Variants in HIVEP3 observed in about 807,000 individuals in gnomAD.
HIVEP3 encodes the protein HIVEP zinc finger 3.
Under a neutral mutation model 152.8 loss-of-function variants are expected in HIVEP3, and 49 were observed. The observed-to-expected ratio is 0.32, with a 90% CI of 0.26 to 0.41. The LOEUF is 0.41. Ranked by LOEUF, HIVEP3 falls within the 10% of genes least tolerant of loss-of-function variation. HIVEP3 has a pLI of 1.00. For synonymous variants in HIVEP3, 1,269 were observed against 1,289.0 expected (o/e 0.98, Z 0.33); for missense variants, 2,790 against 3,103.3 (o/e 0.90, Z 2.40).
intron 3 of HIVEP3, among the ~76,000 whole-genome samples, chr1:41,627,366 G>A (rs558202819): frequency 6.6e-5 from 10 of 152,260 alleles, no homozygotes; most frequent in East Asian, 3.9e-4. Context: ...ACTAAGAGTC[G>A]GGGCTGGGAT....
chr1:41,932,305 GT>G (rs1645000190), intron 1 of HIVEP3, among the ~76,000 whole-genome samples: 1 of 149,814 alleles, frequency 6.7e-6, no homozygotes, highest in Admixed American at 6.6e-5. Flanking sequence ...TTGTTTTTTT[GT>G]TTGTTTGTTT....
At chr1:41,549,601 GA>G (rs1643874594) in intron 5 of HIVEP3, among the ~76,000 whole-genome samples, 1 of 152,182 alleles carries the variant, frequency 6.6e-6, no homozygotes, top group Non-Finnish European at 1.5e-5. Flanking sequence ...TTGTGGTTTT[GA>G]TTTGCATTTC....
At chr1:41,681,064 TATC>T (rs1646030769) in intron 2 of HIVEP3, among the ~76,000 whole-genome samples, 1 of 151,602 alleles carries the variant, frequency 6.6e-6, no homozygotes, top group South Asian at 2.1e-4. Flanking sequence ...CCAAAGCTCT[TATC>T]ATTCCCCAGA....
chr1:41,717,389 A>G (rs1646611235), intron 1 of HIVEP3, among the ~76,000 whole-genome samples: 1 of 152,264 alleles, frequency 6.6e-6, no homozygotes, highest in Non-Finnish European at 1.5e-5. Context: ...ATTCAAACAA[A>G]GAAATGTTGT....
At chr1:41,556,675 A>G (rs1643971018) in intron 5 of HIVEP3, among the ~76,000 whole-genome samples, 1 of 152,178 alleles carries the variant, frequency 6.6e-6, no homozygotes, top group South Asian at 2.1e-4. Flanking sequence ...TTTGTTGCCT[A>G]TGCTTGGTGT....
At chr1:41,514,825 C>T (rs1029925578) in intron 7 of HIVEP3, among the ~76,000 whole-genome samples, 1 of 152,214 alleles carries the variant, frequency 6.6e-6, no homozygotes, top group African/African-American at 2.4e-5. Context: ...CACTTGCACT[C>T]CTTAAACAGA....
At chr1:41,817,994 T>C (rs951123707) in intron 1 of HIVEP3, among the ~76,000 whole-genome samples, 2 of 152,110 alleles carry the variant, frequency 1.3e-5, no homozygotes, top group Non-Finnish European at 2.9e-5. Context: ...AGGGGCCAGC[T>C]CTACTGTCCA....
intron 2 of HIVEP3, among the ~76,000 whole-genome samples, chr1:41,650,807 A>G (rs1645537248): frequency 6.6e-6 from 1 of 152,168 alleles, no homozygotes; most frequent in South Asian, 2.1e-4. Context: ...TCCAGTTAAG[A>G]ATACATTCTG....
At chr1:41,570,314 A>G (rs1259755964) in intron 5 of HIVEP3, among the ~76,000 whole-genome samples, 1 of 152,164 alleles carries the variant, frequency 6.6e-6, no homozygotes, top group Non-Finnish European at 1.5e-5. Context: ...TTTGAATTGT[A>G]ATCCCTATAA....
chr1:42,034,154 A>G (rs780964168), intron 1 of HIVEP3, among the ~76,000 whole-genome samples: 1 of 152,236 alleles, frequency 6.6e-6, no homozygotes, highest in Non-Finnish European at 1.5e-5. Flanking sequence ...AACTCACACA[A>G]TATTAGTCCA....
chr1:41,869,714 C>A (rs771087249), intron 1 of HIVEP3: 12 of 152,168 alleles, frequency 7.9e-5, no homozygotes, highest in Non-Finnish European at 1.2e-4. Context: ...ATGTGTATTA[C>A]CTTGCCTGTG....
chr1:41,516,860 C>A (rs1042570764), intron 7 of HIVEP3, among the ~76,000 whole-genome samples: 1 of 152,246 alleles, frequency 6.6e-6, no homozygotes, highest in Non-Finnish European at 1.5e-5. Flanking sequence ...TCTAGCACAG[C>A]GGCCCTCCCC....
chr1:41,524,868 G>A lies in HIVEP3; in HGVS notation c.5250C>T (p.Gly1750=), dbSNP rs1314314329. 3 of 1,614,022 alleles carry A rather than the reference G, an allele frequency of 1.9e-6. No individual in the cohort carries two copies. The highest frequency in any genetic ancestry group is 2.5e-6 in the Non-Finnish European group (3 of 1,180,018). Residue 1750 remains glycine, a synonymous_variant, in exon 6 of 9, where the codon GGC becomes GGT. Coordinates refer to ENST00000372583, the MANE Select transcript of HIVEP3 (RefSeq NM_024503.5). ...ACTCCTCACAAACATATTTCCCTCG[G>A]CCGCGGCCTCGCACATATACATACT... ...NEEYVYVRGR[G]RGKYVCEECG...
At position 42,034,397 on chromosome 1, in the gene HIVEP3, C is replaced by T. The variant is rs114458864; in HGVS notation, n.119+1410G>A. On this transcript the variant is annotated intron_variant and non_coding_transcript_variant, in intron 1 of 3. Coordinates refer to the HIVEP3 transcript ENST00000489103. ...GTAAATTGCTGCTTCTATACCAAAA[C>T]TACTGGTGTTGCAGAACCGGCAGGC... Among the ~76,000 whole-genome samples the T allele has an allele frequency of 8.8e-3, 1,336 of 152,288 alleles. 28 individuals are homozygous for T. The highest frequency in any genetic ancestry group is 0.03 in the African/African-American group (1,234 of 41,546).
chr1:41,709,621 T>C (rs537092079), intron 1 of HIVEP3, among the ~76,000 whole-genome samples: 1 of 152,278 alleles, frequency 6.6e-6, no homozygotes, highest in Admixed American at 6.5e-5. Context: ...TTGGGTGGAA[T>C]GGTGATCGCC....
intron 2 of HIVEP3, among the ~76,000 whole-genome samples, chr1:41,676,839 C>A (rs745648035): frequency 1.2e-4 from 18 of 152,158 alleles, no homozygotes; most frequent in Non-Finnish European, 7.4e-5. Context: ...CCAAGACGGG[C>A]CAATCACAGC....
At chr1:41,551,507 C>T (rs1188996731) in intron 5 of HIVEP3, among the ~76,000 whole-genome samples, 1 of 152,128 alleles carries the variant, frequency 6.6e-6, no homozygotes, top group Non-Finnish European at 1.5e-5. Flanking sequence ...CCATCTGGTC[C>T]TGGACTGTTT....
At chr1:41,965,762 C>A (rs554906936) in intron 1 of HIVEP3, among the ~76,000 whole-genome samples, 1 of 152,190 alleles carries the variant, frequency 6.6e-6, no homozygotes, top group East Asian at 1.9e-4. Context: ...GATTGGGGTA[C>A]CTGAAAGGGA....
At chr1:41,816,404 C>T (rs1341575821) in intron 1 of HIVEP3, among the ~76,000 whole-genome samples, 13 of 152,222 alleles carry the variant, frequency 8.5e-5, no homozygotes, top group Admixed American at 2.6e-4. Context: ...GCATCTGTTA[C>T]GGCTGGGTGC....
Sources: allele counts gnomAD v4.1 joint callset (sites outside exome capture counted in the v4.1 genomes callset), GRCh38; gene constraint gnomAD v4.1.1; transcripts MANE v1.5; gene names NCBI Gene and HGNC (gene_info 2026-07-23, HGNC 2026-07-21).